Variants in DPP6 observed in about 807,000 individuals in gnomAD.
DPP6 encodes the protein dipeptidyl peptidase like 6, also known as A-type potassium channel modulatory protein DPP6.
In DPP6, 69 loss-of-function variants were observed where a neutral mutation model predicts 122.6. The ratio of observed to expected loss-of-function variants is 0.56; its 90% CI spans 0.46 to 0.69. The LOEUF is 0.69. Ranked by LOEUF, DPP6 falls within the 30% of genes least tolerant of loss-of-function variation. The pLI, the probability that DPP6 is intolerant of heterozygous loss-of-function variation, is 0.00. For missense variants in DPP6, 928 were observed against 1,116.9 expected (o/e 0.83, Z 2.41); for synonymous variants, 418 against 433.1 (o/e 0.97, Z 0.43).
At chr7:154,517,713 ACACAG>A (rs1826635845) in intron 3 of DPP6, among the ~76,000 whole-genome samples, 2 of 152,200 alleles carry the variant, frequency 1.3e-5, no homozygotes, top group African/African-American at 4.8e-5. Context: ...CCTTTTAAAT[ACACAG>A]CAGCGCTCTC....
chr7:154,680,579 A>G (rs1426080553), intron 7 of DPP6, among the ~76,000 whole-genome samples: 4 of 152,204 alleles, frequency 2.6e-5, no homozygotes, highest in Non-Finnish European at 5.9e-5. Context: ...TGGCATATGG[A>G]AAGGATTAGA....
chr7:154,549,463 C>T (rs920573085), intron 4 of DPP6, among the ~76,000 whole-genome samples: 1 of 152,170 alleles, frequency 6.6e-6, no homozygotes, highest in Non-Finnish European at 1.5e-5. Flanking sequence ...GTAATCAGTA[C>T]GTCAACAATT....
chr7:153,844,454 T>A, the DPP6 span, among the ~76,000 whole-genome samples: 1 of 152,202 alleles, frequency 6.6e-6, no homozygotes, highest in Non-Finnish European at 1.5e-5. Context: ...GGGGTTGAGA[T>A]TAGATAACCC....
At chr7:153,858,639 A>G in the DPP6 span, among the ~76,000 whole-genome samples, 48,070 of 152,112 alleles carry the variant, frequency 0.32, 7,778 homozygotes, top group South Asian at 0.35. Context: ...TTTTCAGCTT[A>G]CTGTGTGAGC....
chr7:154,336,453 A>G (rs1433615309), intron 1 of DPP6, among the ~76,000 whole-genome samples: 5 of 152,076 alleles, frequency 3.3e-5, no homozygotes, highest in Admixed American at 6.6e-5. Flanking sequence ...CGGGGTATGG[A>G]GAACGCAGCC....
intron 1 of DPP6, among the ~76,000 whole-genome samples, chr7:154,301,780 T>G (rs1243870137): frequency 2.0e-5 from 3 of 148,224 alleles, no homozygotes; most frequent in Admixed American, 1.4e-4. Context: ...ATACAAGATC[T>G]GCCCTCTTTT....
intron 1 of DPP6, among the ~76,000 whole-genome samples, chr7:154,145,608 G>T (rs10237938): frequency 7.4e-6 from 1 of 135,546 alleles, no homozygotes; most frequent in East Asian, 2.2e-4. Context: ...ACATCCCTGC[G>T]GAGCAAGGAG....
chr7:154,250,261 C>CGGTGCCTGA (rs1802267947), intron 1 of DPP6, among the ~76,000 whole-genome samples: 1 of 152,078 alleles, frequency 6.6e-6, no homozygotes, highest in African/African-American at 2.4e-5. Flanking sequence ...TTCTTCAACT[C>CGGTGCCTGA]GGTGTCTGAG....
chr7:154,610,707 CTGTGTGTGTGTGTGTGTGTGTG>C (rs10525265), intron 5 of DPP6, among the ~76,000 whole-genome samples: 92 of 122,034 alleles, frequency 7.5e-4, no homozygotes, highest in African/African-American at 2.2e-3. Context: ...GTGTTGTTCT[CTGTGTGTGTGTGTGTGTGTGTG>C]TGTGTGTGTG....
At chr7:154,509,954 T>G (rs2129773351) in intron 3 of DPP6, among the ~76,000 whole-genome samples, 1 of 152,234 alleles carries the variant, frequency 6.6e-6, no homozygotes, top group South Asian at 2.1e-4. Context: ...GCAAAGAAAG[T>G]GATAGATCAA....
intron 1 of DPP6, among the ~76,000 whole-genome samples, chr7:154,056,389 G>A (rs1237277262): frequency 1.3e-5 from 2 of 152,238 alleles, no homozygotes; most frequent in Non-Finnish European, 2.9e-5. Flanking sequence ...GTTGCTGGAA[G>A]TGACTTTTAG....
At chr7:154,404,278 A>G (rs1477625034) in intron 1 of DPP6, among the ~76,000 whole-genome samples, 3 of 152,242 alleles carry the variant, frequency 2.0e-5, no homozygotes, top group African/African-American at 4.8e-5. Context: ...TATTAGCAGC[A>G]TGTATCATGT....
At chr7:154,687,433 A>G (rs1839683108) in intron 7 of DPP6, among the ~76,000 whole-genome samples, 1 of 152,192 alleles carries the variant, frequency 6.6e-6, no homozygotes, top group Admixed American at 6.5e-5. Context: ...TGCTGTGTGT[A>G]TATTTCATTA....
intron 1 of DPP6, among the ~76,000 whole-genome samples, chr7:154,330,980 T>C (rs1220702511): frequency 1.3e-5 from 2 of 152,208 alleles, no homozygotes; most frequent in African/African-American, 4.8e-5. Context: ...GAGAAGCTTC[T>C]TGGCCTCCTC....
At chr7:154,199,236 G>C (rs1799038907) in intron 1 of DPP6, among the ~76,000 whole-genome samples, 1 of 152,124 alleles carries the variant, frequency 6.6e-6, no homozygotes, top group South Asian at 2.1e-4. Context: ...AGCCCCAAAG[G>C]CTGTACGGAG....
rs761265646 is a variant in DPP6 at position 154,868,076 on chromosome 7, T to C, written c.1796T>C (p.Ile599Thr). 1.9e-6 allele frequency: 3 copies of C among 1,606,628 alleles called. No individual in the cohort carries two copies. Among genetic ancestry groups the C allele is most frequent in the Non-Finnish European group, 2.5e-6 (3 of 1,176,610 alleles). Residue 599 changes from isoleucine to threonine, a missense_variant, in exon 18 of 26, where the codon ATT becomes ACT. Physicochemically the swap from Ile to Thr is moderately conservative, Grantham distance 89. Transcript: ENST00000377770. ...RQMPKVEYRD[I>T]EIDDYNLPMQ... is the part of the protein sequence containing the mutation. ...ATGCCTAAAGTGGAATACAGGGACA[T>C]TGAGATTGATGATTACAGTAAGTAC...
chr7:154,320,471 C>G (rs1563473220), intron 1 of DPP6, among the ~76,000 whole-genome samples: 1 of 87,158 alleles, frequency 1.1e-5, no homozygotes, highest in Non-Finnish European at 2.9e-5. Context: ...GCCAATTGTA[C>G]TTTGTTTTTT....
chr7:154,313,330 G>C (rs1428015063), intron 1 of DPP6, among the ~76,000 whole-genome samples: 1 of 152,098 alleles, frequency 6.6e-6, no homozygotes, highest in Non-Finnish European at 1.5e-5. Context: ...TGGCTGCAGG[G>C]GCACACAGAG....
At chr7:153,836,772 G>T in the DPP6 span, among the ~76,000 whole-genome samples, 1 of 152,090 alleles carries the variant, frequency 6.6e-6, no homozygotes, top group Non-Finnish European at 1.5e-5. Flanking sequence ...TAAGTTTATT[G>T]TAGCATTTCA....
Sources: gnomAD v4.1 joint callset for allele counts (sites outside exome capture counted in the v4.1 genomes callset) on GRCh38, gnomAD v4.1.1 for gene constraint, MANE v1.5 for transcripts, NCBI Gene and HGNC (gene_info 2026-07-23, HGNC 2026-07-21) for gene names.